NUB1: variants seen among roughly 807,000 people sequenced by gnomAD.
The protein encoded by NUB1 is NEDD8 ultimate buster 1.
A neutral mutation model predicts 77.1 loss-of-function variants in NUB1; 41 were observed. The ratio of observed to expected loss-of-function variants is 0.53; its 90% CI spans 0.41 to 0.69. The LOEUF (loss-of-function observed/expected upper bound fraction) is 0.69. Among genes scored for constraint, NUB1 ranks in the 30% least tolerant of loss-of-function variants. The pLI is 0.00. For synonymous variants in NUB1, 257 were observed against 281.0 expected (o/e 0.91, Z 0.85); for missense variants, 643 against 743.8 (o/e 0.86, Z 1.58).
At chr7:151,373,891 T>TCAGAAGCAGC (rs1431690676) in intron 11 of NUB1, among the ~76,000 whole-genome samples, 1 of 152,164 alleles carries the variant, frequency 6.6e-6, no homozygotes, top group African/African-American at 2.4e-5. Context: ...ACTGCCTGCC[T>TCAGAAGCAGC]CAGAAGCAGC....
intron 1 of NUB1, chr7:151,342,115 A>G: frequency 2.3e-6 from 1 of 442,762 alleles, no homozygotes; most frequent in Non-Finnish European, 3.7e-6. Flanking sequence ...TATTGAGTGT[A>G]TCGGTTTGGG....
chr7:151,355,880 A>G lies in NUB1; in HGVS notation c.528A>G (p.Gln176=), dbSNP rs770124540. The change falls in exon 6 of 15, where the codon CAA becomes CAG. Residue 176 remains glutamine (Q), a synonymous_variant. Coordinates refer to ENST00000568733, the MANE Select transcript of NUB1 (RefSeq NM_001243351.2). ...ACTTCCAGTTAGAGGAAGAGGAGCAAAATGAGGCCAAACTCAAAGAAAAAC... is the reference window on the plus strand; with the variant it reads ...ACTTCCAGTTAGAGGAAGAGGAGCAGAATGAGGCCAAACTCAAAGAAAAAC... ...RKNFQLEEEE[Q]NEAKLKEKQI... 5.6e-6 allele frequency: 9 copies of G among 1,613,818 alleles called. No individual in the cohort carries two copies. Among genetic ancestry groups the G allele is most frequent in the Non-Finnish European group, 7.6e-6 (9 of 1,179,834 alleles).
chr7:151,342,229 ATTTT>A (rs953602965), intron 1 of NUB1, among the ~76,000 whole-genome samples: 4 of 152,168 alleles, frequency 2.6e-5, no homozygotes, highest in African/African-American at 9.7e-5. Flanking sequence ...TCAAAGCCAG[ATTTT>A]CTTTGCTATT....
Position 151,345,454 on chromosome 7 carries a change from T to C in NUB1, c.105T>C (p.Gly35=). Residue 35 remains glycine (G), a synonymous_variant, in exon 2 of 15, where the codon GGT becomes GGC. Transcript: ENST00000568733. ...ATACAGATGAAAATAAAAAAGTTGG[T>C]TTGGCATTAAAGGTATTTTTCTTTT... ...PPYTDENKKV[G]LALKDLAKQY... 1 of 1,582,294 alleles carries C rather than the reference T, an allele frequency of 6.3e-7. No individual in the cohort carries two copies. Among genetic ancestry groups the C allele is most frequent in the Non-Finnish European group, 8.6e-7 (1 of 1,157,836 alleles).
intron 8 of NUB1, among the ~76,000 whole-genome samples, chr7:151,363,507 G>A (rs772840703): frequency 8.6e-5 from 13 of 151,370 alleles, no homozygotes; most frequent in Non-Finnish European, 1.5e-4. Context: ...AATTTCAGGC[G>A]GCCTAAAATG....
At position 151,375,943 on chromosome 7, in the gene NUB1, A is replaced by C; in HGVS notation, c.1491A>C (p.Arg497=). ...GTCCTTCCCAGGAAAACATTGACCG[A>C]GTGAGTGACAGGCCTTTGTGCCCTC... ...QESPSQENID[R]LVYMGFDALV... The change falls in exon 13 of 15, where the codon CGA becomes CGC. Residue 497 remains arginine, a splice_region_variant and synonymous_variant. Coordinates refer to ENST00000568733, the MANE Select transcript of NUB1 (RefSeq NM_001243351.2). 1 of 1,599,808 alleles carries C rather than the reference A, an allele frequency of 6.3e-7. No homozygotes were observed. Among genetic ancestry groups the C allele is most frequent in the East Asian group, 2.2e-5 (1 of 44,796 alleles).
intron 7 of NUB1, 21 bp from the exon 8 acceptor site, chr7:151,360,120 T>A (rs778726349): frequency 3.2e-6 from 4 of 1,237,924 alleles, no homozygotes; most frequent in Admixed American, 4.0e-5. Flanking sequence ...TGATGTTTTT[T>A]AAATTTGTAT....
rs184792171 is a variant in NUB1, at chr7:151,348,965, C to T, written c.118-108C>T. On this transcript the variant is annotated intron_variant, in intron 2 of 14. Coordinates refer to ENST00000568733, the MANE Select transcript of NUB1 (RefSeq NM_001243351.2). ...CAGTGTGGACTGCAGTGTAACGGGGCGACCTCCACTCATCAGAGTTGATGG... is the reference window on the plus strand; with the variant it reads ...CAGTGTGGACTGCAGTGTAACGGGGTGACCTCCACTCATCAGAGTTGATGG... 1.0e-4 allele frequency: 94 copies of T among 928,766 alleles called. No individual in the cohort carries two copies. In the East Asian group the frequency reaches 1.7e-3, roughly 17 times the overall value. 57.5% of individuals were successfully genotyped at this position (928,766 alleles called of 1,614,324 possible).
chr7:151,372,445 C>T (rs944980758), intron 11 of NUB1, among the ~76,000 whole-genome samples: 5 of 152,218 alleles, frequency 3.3e-5, no homozygotes, highest in African/African-American at 9.7e-5. Context: ...TGGCTGGCAG[C>T]GTCCTTCTCT....
chr7:151,344,074 G>T (rs1163661109), intron 1 of NUB1, among the ~76,000 whole-genome samples: 1 of 148,890 alleles, frequency 6.7e-6, no homozygotes, highest in Non-Finnish European at 1.5e-5. Context: ...CCAGCTACTG[G>T]GGAGGCTGAG....
chr7:151,347,603 G>C (rs1310666921), intron 2 of NUB1, among the ~76,000 whole-genome samples: 2 of 152,122 alleles, frequency 1.3e-5, no homozygotes, highest in African/African-American at 4.8e-5. Context: ...GACTACAGGT[G>C]CATGCCACCA....
rs780444121 is a variant in NUB1 at position 151,352,813 on chromosome 7, A to G, written c.346A>G (p.Ile116Val). ...ATTTTCACTGGTTTTATTTTACAGA[A>G]TAGCTGAAACCTTTGGACTTCAAGA... ...HITGRELRSK[I>V]AETFGLQENY... is the part of the protein sequence containing the mutation. The change falls in exon 5 of 15, where the codon ATA becomes GTA. Residue 116 changes from isoleucine (I) to valine (V), a missense_variant and splice_region_variant. By Grantham distance (29) the Ile-to-Val change is conservative (BLOSUM62 3). Transcript: ENST00000568733. The G allele has an allele frequency of 7.2e-6, 11 of 1,524,934 alleles. No homozygotes were observed. Among genetic ancestry groups the G allele is most frequent in the Non-Finnish European group, 9.9e-6 (11 of 1,106,064 alleles). 94.5% of individuals were successfully genotyped at this position (1,524,934 alleles called of 1,614,324 possible). A position where few individuals can be genotyped will look rare whatever the true frequency, so the allele number is the denominator to read the frequency against.
At chr7:151,355,996 A>C in intron 6 of NUB1, 46 bp downstream of exon 6, 1 of 1,597,682 alleles carries the variant, frequency 6.3e-7, no homozygotes. Flanking sequence ...GCTTGGGGGC[A>C]GCACTGGATC....
intron 6 of NUB1, 21 bp downstream of exon 6, chr7:151,355,971 G>A (rs1306710282): frequency 1.2e-6 from 2 of 1,611,444 alleles, no homozygotes; most frequent in Admixed American, 1.7e-5. Context: ...CTCTGGGCTT[G>A]TCACCCACTC....
At position 151,357,226 on chromosome 7, in the gene NUB1, C is replaced by A. The variant is rs556247525; in HGVS notation, c.693+1004C>A. Among the ~76,000 whole-genome samples the A allele has an allele frequency of 2.0e-3, 287 of 144,666 alleles. 2 individuals carry two copies. Among genetic ancestry groups the A allele is most frequent in the Middle Eastern group, 3.8e-3 (1 of 264 alleles). 94.9% of individuals were successfully genotyped at this position (144,666 alleles called of 152,430 possible). ...TTTGAGATGGAGTCTCGCTCTGTTGCCATTCTCCTGCTTCAGCCTCCTGGG... is the reference window on the plus strand; with the variant it reads ...TTTGAGATGGAGTCTCGCTCTGTTGACATTCTCCTGCTTCAGCCTCCTGGG... On this transcript the variant is annotated intron_variant, in intron 7 of 14. Coordinates refer to ENST00000568733, the MANE Select transcript of NUB1 (RefSeq NM_001243351.2).
chr7:151,358,908 CA>C (rs1214619335), intron 7 of NUB1, among the ~76,000 whole-genome samples: 2 of 150,262 alleles, frequency 1.3e-5, no homozygotes, highest in Non-Finnish European at 3.0e-5. Context: ...ACTAAAAATA[CA>C]AAAAAATTAG....
At position 151,349,225 on chromosome 7, in the gene NUB1, A is replaced by C; in HGVS notation, c.270A>C (p.Pro90=). The C allele has an allele frequency of 5.6e-6, 9 of 1,608,832 alleles. No individual in the cohort carries two copies. The highest frequency in any genetic ancestry group is 7.6e-6 in the Non-Finnish European group (9 of 1,178,300). The change falls in exon 3 of 15, where the codon CCA becomes CCC. Residue 90 remains proline, a synonymous_variant. Transcript: ENST00000568733. The part of the protein sequence containing the change: ...TGIATIEVFL[P]PRLKKDRKNL... ...TTGCTACAATCGAGGTGTTTTTACCACCAAGACTAAAAAAAGTGAGTAATT... is the reference window on the plus strand; with the variant it reads ...TTGCTACAATCGAGGTGTTTTTACCCCCAAGACTAAAAAAAGTGAGTAATT...
chr7:151,377,303 C>CTGAA lies in NUB1; in HGVS notation c.*79_*80insGAAT. The CTGAA allele has an allele frequency of 1.1e-6, 1 of 904,674 alleles. No individual in the cohort carries two copies. Among genetic ancestry groups the CTGAA allele is most frequent in the Admixed American group, 3.4e-5 (1 of 29,484 alleles). 56.0% of individuals were successfully genotyped at this position (904,674 alleles called of 1,614,324 possible). A position where few individuals can be genotyped will look rare whatever the true frequency, so the allele number is the denominator to read the frequency against. On this transcript the variant is annotated 3_prime_UTR_variant, in exon 15 of 15. Transcript: ENST00000568733. ...AAAGGCTAATGCAGCTCTTTCTGTT[C>CTGAA]TTACTTTTTATCTGAATTACAAGTC...
At chr7:151,371,347 T>C (rs1366710021) in intron 11 of NUB1, among the ~76,000 whole-genome samples, 1 of 137,338 alleles carries the variant, frequency 7.3e-6, no homozygotes, top group East Asian at 2.8e-4. Context: ...GGACCTGAGG[T>C]CTGTCTTTTA....
Sources: allele counts gnomAD v4.1 joint callset (sites outside exome capture counted in the v4.1 genomes callset), GRCh38; gene constraint gnomAD v4.1.1; transcripts MANE v1.5; gene names NCBI Gene and HGNC (gene_info 2026-07-23, HGNC 2026-07-21).